Variants in YTHDC2 observed in about 807,000 individuals in gnomAD.
The protein encoded by YTHDC2 is YTH N6-methyladenosine RNA binding protein C2, also known as 3'-5' RNA helicase YTHDC2.
A neutral mutation model predicts 174.9 loss-of-function variants in YTHDC2; 45 were observed. The ratio of observed to expected loss-of-function variants is 0.26; its 90% CI spans 0.20 to 0.33. YTHDC2 has a LOEUF of 0.33. Ranked by LOEUF, YTHDC2 falls within the 10% of genes least tolerant of loss-of-function variation. The pLI is 1.00. For synonymous variants in YTHDC2, 657 were observed against 574.5 expected, an observed-to-expected ratio of 1.14 and a Z score of -2.05; for missense variants, 1,650 against 1,723.7, an observed-to-expected ratio of 0.96 and a Z score of 0.76.
At chr5:113,585,223 G>C (rs1407412508) in intron 26 of YTHDC2, among the ~76,000 whole-genome samples, 1 of 151,820 alleles carries the variant, frequency 6.6e-6, no homozygotes, top group Non-Finnish European at 1.5e-5. Context: ...AGATGGGATA[G>C]GGTTAGGAAG....
At chr5:113,562,278 G>A (rs1777043689) in intron 18 of YTHDC2, among the ~76,000 whole-genome samples, 1 of 143,854 alleles carries the variant, frequency 7.0e-6, no homozygotes, top group Non-Finnish European at 1.5e-5. Flanking sequence ...GTGTGTGTGG[G>A]TGTGTGTGTG....
intron 4 of YTHDC2, among the ~76,000 whole-genome samples, chr5:113,527,367 T>A (rs147467973): frequency 1.3e-5 from 2 of 152,232 alleles, no homozygotes; most frequent in African/African-American, 2.4e-5. Flanking sequence ...TACCTCCTTA[T>A]GAAGTTTTAC....
At chr5:113,516,888 AAT>A (rs1773467597) in intron 2 of YTHDC2, among the ~76,000 whole-genome samples, 1 of 152,182 alleles carries the variant, frequency 6.6e-6, no homozygotes, top group Non-Finnish European at 1.5e-5. Flanking sequence ...AGTTTAGGTG[AAT>A]GTGCGTTTTG....
chr5:113,542,430 T>C lies in YTHDC2; in HGVS notation c.1422T>C (p.Ser474=). 6.2e-7 allele frequency: 1 copy of C among 1,613,104 alleles called. No homozygotes were observed. The highest frequency in any genetic ancestry group is 8.5e-7 in the Non-Finnish European group (1 of 1,179,644). Residue 474 remains serine (S), a synonymous_variant, in exon 10 of 30, where the codon TCT becomes TCC. Coordinates refer to ENST00000161863, the MANE Select transcript of YTHDC2 (RefSeq NM_022828.5). ...WLIKEMDACL[S]DIWLHKDIDA... ...TAAAGGAAATGGATGCTTGCCTTTCTGATATATGGCTACATAAAGATATTG... is the reference window on the plus strand; with the variant it reads ...TAAAGGAAATGGATGCTTGCCTTTCCGATATATGGCTACATAAAGATATTG...
At chr5:113,549,895 G>C (rs1335340030) in intron 12 of YTHDC2, among the ~76,000 whole-genome samples, 3 of 151,814 alleles carry the variant, frequency 2.0e-5, no homozygotes, top group African/African-American at 7.3e-5. Flanking sequence ...TGCAGTGAGT[G>C]TTTGTTGAAT....
intron 10 of YTHDC2, among the ~76,000 whole-genome samples, chr5:113,543,862 C>G (rs1287243198): frequency 6.6e-6 from 1 of 152,248 alleles, no homozygotes; most frequent in Admixed American, 6.5e-5. Flanking sequence ...CTGGTAATCA[C>G]ATGGCCCAAT....
chr5:113,590,630 G>C (rs1208834066), intron 26 of YTHDC2, among the ~76,000 whole-genome samples: 2 of 152,152 alleles, frequency 1.3e-5, no homozygotes, highest in Non-Finnish European at 2.9e-5. Flanking sequence ...TTCGGTCTCT[G>C]AACTCCAGTG....
intron 2 of YTHDC2, among the ~76,000 whole-genome samples, chr5:113,524,510 CTT>C (rs1431085696): frequency 6.6e-6 from 1 of 152,140 alleles, no homozygotes; most frequent in Non-Finnish European, 1.5e-5. Context: ...ACTTGGCTCT[CTT>C]AACAGGTTTT....
At chr5:113,564,783 A>G (rs903777888) in intron 20 of YTHDC2, among the ~76,000 whole-genome samples, 1 of 152,102 alleles carries the variant, frequency 6.6e-6, no homozygotes, top group African/African-American at 2.4e-5. Flanking sequence ...TTTATTCTCA[A>G]ATCTTCTTGA....
intron 16 of YTHDC2, among the ~76,000 whole-genome samples, 189 bp downstream of exon 16, chr5:113,554,211 A>G (rs1776453516): frequency 6.6e-6 from 1 of 152,054 alleles, no homozygotes; most frequent in South Asian, 2.1e-4. Context: ...TTAACATACT[A>G]AATATTGATT....
chr5:113,586,637 A>G (rs542004873), intron 26 of YTHDC2, among the ~76,000 whole-genome samples: 3 of 151,510 alleles, frequency 2.0e-5, no homozygotes, highest in African/African-American at 7.2e-5. Context: ...ATAGTTGGCA[A>G]TCTTACATTT....
chr5:113,579,842 C>T, intron 24 of YTHDC2, 147 bp downstream of exon 24: 1 of 1,300,516 alleles, frequency 7.7e-7, no homozygotes, highest in Non-Finnish European at 9.8e-7. Context: ...GGACCTCATT[C>T]ATTCTCTTCT....
Position 113,561,205 on chromosome 5 carries a change from T to C in YTHDC2, c.2322+20T>C. The stretch of plus-strand genomic sequence containing the variant: ...TTACAGGTAAAAATTTATTTAAATA[T>C]AAAAGGCATTTTTTTGGGTGAGGGA... On this transcript the variant is annotated intron_variant, in intron 18 of 29. Coordinates refer to ENST00000161863, the MANE Select transcript of YTHDC2 (RefSeq NM_022828.5). 3 of 1,598,724 alleles carry C rather than the reference T, an allele frequency of 1.9e-6. No individual in the cohort carries two copies. Among genetic ancestry groups the C allele is most frequent in the Non-Finnish European group, 2.6e-6 (3 of 1,170,832 alleles).
rs781253433 is a variant in YTHDC2, at chr5:113,581,702, G to T, written c.3640G>T (p.Ala1214Ser). Residue 1214 changes from alanine to serine, a missense_variant, in exon 25 of 30, where the codon GCA becomes TCA. Ala to Ser is a moderately conservative substitution (Grantham distance 99). Transcript: ENST00000161863. ...DTEFSDECTT[A>S]ERVLMKSPSP... ...TGAATTTTCTGATGAGTGTACTACT[G>T]CAGAAAGGTAAATTTATGACATTTT... 6 of 1,523,300 alleles carry T rather than the reference G, an allele frequency of 3.9e-6. No homozygotes were observed. Among genetic ancestry groups the T allele is most frequent in the South Asian group, 1.3e-5 (1 of 76,244 alleles). The allele number at this position is 1,523,300 out of a possible 1,614,324, so 94.4% of individuals were successfully genotyped here. A position where few individuals can be genotyped will look rare whatever the true frequency, so the allele number is the denominator to read the frequency against.
At position 113,515,277 on chromosome 5, in the gene YTHDC2, G is replaced by A. The variant is rs1773332108; in HGVS notation, c.193G>A (p.Glu65Lys). ...RFRYGDQREM[E>K]FPSSLTSTER... ...TTTGTTTTTTTTCCGTGTAGAAATG[G>A]AATTTCCTTCTTCTTTGACCAGTAC... is the stretch of plus-strand genomic sequence containing the variant. The change falls in exon 2 of 30, where the codon GAA becomes AAA. Residue 65 changes from glutamate to lysine, a missense_variant. By Grantham distance (56) the Glu-to-Lys change is moderately conservative. Coordinates refer to ENST00000161863, the MANE Select transcript of YTHDC2 (RefSeq NM_022828.5). 1 of 1,602,016 alleles carries A rather than the reference G, an allele frequency of 6.2e-7. No individual in the cohort carries two copies. The highest frequency in any genetic ancestry group is 1.7e-5 in the Admixed American group (1 of 57,798).
At chr5:113,546,144 T>TAAAAAA (rs1775875206) in intron 10 of YTHDC2, among the ~76,000 whole-genome samples, 1 of 152,246 alleles carries the variant, frequency 6.6e-6, no homozygotes, top group African/African-American at 2.4e-5. Flanking sequence ...AAAAAATATT[T>TAAAAAA]ACTCTGAAGA....
At chr5:113,515,418 G>A (rs1273099952) in intron 2 of YTHDC2, 56 bp downstream of exon 2, 4 of 1,429,886 alleles carry the variant, frequency 2.8e-6, no homozygotes, top group Non-Finnish European at 3.9e-6. Flanking sequence ...CCAAAAAAGG[G>A]AGAAACGTTT....
intron 1 of YTHDC2, among the ~76,000 whole-genome samples, chr5:113,514,573 A>T (rs1773269789): frequency 6.6e-6 from 1 of 152,126 alleles, no homozygotes; most frequent in South Asian, 2.1e-4. Context: ...ACACCTCTTG[A>T]GGTTAGATAG....
intron 23 of YTHDC2, among the ~76,000 whole-genome samples, chr5:113,571,694 C>T (rs533071839): frequency 2.6e-5 from 4 of 152,128 alleles, no homozygotes; most frequent in Non-Finnish European, 5.9e-5. Context: ...CTTTCTGGTT[C>T]AGTCTCAGGA....
Sources: gnomAD v4.1 joint callset for allele counts (sites outside exome capture counted in the v4.1 genomes callset) on GRCh38, gnomAD v4.1.1 for gene constraint, MANE v1.5 for transcripts, NCBI Gene and HGNC (gene_info 2026-07-23, HGNC 2026-07-21) for gene names.